Variants in ZMYND8 observed in about 807,000 individuals in gnomAD.
The protein encoded by ZMYND8 is zinc finger MYND-type containing 8, also known as MYND-type zinc finger-containing chromatin reader ZMYND8.
A neutral mutation model predicts 140.8 loss-of-function variants in ZMYND8; 37 were observed. The ratio of observed to expected loss-of-function variants is 0.26; its 90% CI spans 0.20 to 0.35. The LOEUF is 0.35. Ranked by LOEUF, ZMYND8 falls within the 10% of genes least tolerant of loss-of-function variation. ZMYND8 has a pLI of 1.00. For synonymous variants in ZMYND8, 592 were observed against 597.1 expected (o/e 0.99, Z 0.12); for missense variants, 1,068 against 1,570.0 (o/e 0.68, Z 5.40).
intron 13 of ZMYND8, 51 bp from the exon 14 acceptor site, chr20:47,246,568 C>G (rs748298598): frequency 1.3e-6 from 2 of 1,518,896 alleles, no homozygotes; most frequent in African/African-American, 1.4e-5. Context: ...AAATAAAGAG[C>G]AGGATGAAAA....
intron 11 of ZMYND8, among the ~76,000 whole-genome samples, chr20:47,265,053 C>CATATATATATATATATAT (rs199638521): frequency 1.2e-4 from 14 of 114,244 alleles, no homozygotes; most frequent in African/African-American, 3.2e-4. Context: ...AATATATATA[C>CATATATATATATATATAT]ATATATATAT....
rs2073983712 is a variant in ZMYND8, at chr20:47,249,352, C to G, written c.1709G>C (p.Arg570Pro). Residue 570 changes from arginine to proline, a missense_variant, in exon 13 of 23, where the codon CGC (arginine) becomes CCC (proline). This residue lies in a region of ZMYND8 where 173 missense variants were observed against 223.3 expected (regional missense o/e 0.77). Coordinates refer to ENST00000471951, the MANE Select transcript of ZMYND8 (RefSeq NM_001281775.3). ...STPVPLISPKRQIRSRFQLNL... is the reference protein window; with the variant it reads ...STPVPLISPKPQIRSRFQLNL... ...CAGCTGGAACCTGCTACGAATCTGGCGCTTGGGAGAGATGAGAGGAACAGG... is the reference window on the plus strand; with the variant it reads ...CAGCTGGAACCTGCTACGAATCTGGGGCTTGGGAGAGATGAGAGGAACAGG... 2 of 1,614,124 alleles carry G rather than the reference C, an allele frequency of 1.2e-6. No individual in the cohort carries two copies. Among genetic ancestry groups the G allele is most frequent in the Non-Finnish European group, 1.7e-6 (2 of 1,180,026 alleles).
chr20:47,290,145 T>C (rs775948566), intron 7 of ZMYND8, 42 bp downstream of exon 7: 12 of 1,575,060 alleles, frequency 7.6e-6, no homozygotes, highest in Non-Finnish European at 9.5e-6. Flanking sequence ...GTGCAACACA[T>C]ACACAGCATA....
intron 14 of ZMYND8, among the ~76,000 whole-genome samples, chr20:47,241,969 C>T (rs931955435): frequency 6.6e-6 from 1 of 152,090 alleles, no homozygotes; most frequent in South Asian, 2.1e-4. Context: ...AGGTGCCCGC[C>T]ACCATGCCCA....
At chr20:47,227,176 A>C in intron 18 of ZMYND8, 27 bp downstream of exon 18, 1 of 1,613,164 alleles carries the variant, frequency 6.2e-7, no homozygotes, top group Non-Finnish European at 8.5e-7. Flanking sequence ...AACCCTCCTC[A>C]GTCCAGACCA....
intron 2 of ZMYND8, chr20:47,318,669 G>A (rs1431608468): frequency 2.9e-5 from 13 of 453,450 alleles, no homozygotes; most frequent in Non-Finnish European, 5.3e-5. Context: ...ACAGAAACTC[G>A]AGGACCGGTC....
chr20:47,221,525 T>C (rs1291642706), intron 19 of ZMYND8, 51 bp from the exon 20 acceptor site: 4 of 1,584,606 alleles, frequency 2.5e-6, no homozygotes, highest in Admixed American at 1.7e-5. Context: ...AGTACGATGA[T>C]TTTGAAACAT....
intron 3 of ZMYND8, among the ~76,000 whole-genome samples, chr20:47,303,032 A>G (rs1339202243): frequency 1.3e-5 from 2 of 152,104 alleles, no homozygotes; most frequent in Non-Finnish European, 2.9e-5. Context: ...CGTAATTAGG[A>G]CAACCAAAAA....
intron 2 of ZMYND8, among the ~76,000 whole-genome samples, chr20:47,317,297 T>A (rs1263297916): frequency 2.6e-5 from 4 of 152,108 alleles, no homozygotes; most frequent in Non-Finnish European, 5.9e-5. Context: ...GTGGCATCAG[T>A]CCCTGAAATA....
intron 11 of ZMYND8, among the ~76,000 whole-genome samples, chr20:47,264,344 T>C (rs2075356377): frequency 6.6e-6 from 1 of 152,212 alleles, no homozygotes; most frequent in South Asian, 2.1e-4. Context: ...TTGTGCAATC[T>C]CGGCTCACTG....
chr20:47,351,944 C>T, intron 1 of ZMYND8: 1 of 985,406 alleles, frequency 1.0e-6, no homozygotes, highest in Admixed American at 6.1e-5. Context: ...TTAAAAAAAA[C>T]TCTGCAATGA....
At chr20:47,251,753 G>A (rs991617266) in intron 12 of ZMYND8, among the ~76,000 whole-genome samples, 3 of 151,608 alleles carry the variant, frequency 2.0e-5, no homozygotes, top group Non-Finnish European at 4.4e-5. Flanking sequence ...CTGCCCAGTC[G>A]CCCCACCATC....
chr20:47,227,116 G>A, intron 18 of ZMYND8, 87 bp downstream of exon 18: 1 of 1,341,392 alleles, frequency 7.5e-7, no homozygotes. Flanking sequence ...AGCTTTAATT[G>A]CACTCACATC....
At chr20:47,344,377 C>T (rs1051676532) in intron 2 of ZMYND8, among the ~76,000 whole-genome samples, 1 of 152,120 alleles carries the variant, frequency 6.6e-6, no homozygotes, top group Non-Finnish European at 1.5e-5. Context: ...AACCCATAAC[C>T]ACAGTTTACC....
At chr20:47,327,408 C>T (rs1257344179) in intron 2 of ZMYND8, among the ~76,000 whole-genome samples, 2 of 151,778 alleles carry the variant, frequency 1.3e-5, no homozygotes, top group African/African-American at 4.8e-5. Context: ...AATCCCAGCA[C>T]TTTGGGAGGC....
intron 14 of ZMYND8, among the ~76,000 whole-genome samples, chr20:47,240,761 G>A (rs2039864553): frequency 6.6e-6 from 1 of 151,084 alleles, no homozygotes; most frequent in Admixed American, 6.6e-5. Flanking sequence ...TCGCCATCTT[G>A]CCCAGGCTGG....
intron 13 of ZMYND8, among the ~76,000 whole-genome samples, chr20:47,247,903 G>GGA (rs1276999187): frequency 2.0e-5 from 3 of 152,140 alleles, no homozygotes; most frequent in African/African-American, 7.2e-5. Flanking sequence ...CTTGAACCCA[G>GGA]GAGTTCAAGG....
chr20:47,316,404 G>T (rs1239454592), intron 2 of ZMYND8, among the ~76,000 whole-genome samples: 1 of 151,566 alleles, frequency 6.6e-6, no homozygotes, highest in Non-Finnish European at 1.5e-5. Context: ...AAATCATCCT[G>T]GAGCTCAGCA....
At chr20:47,348,435 A>G (rs1229818257) in intron 1 of ZMYND8, 1 of 173,302 alleles carries the variant, frequency 5.8e-6, no homozygotes, top group African/African-American at 2.4e-5. Context: ...GTTAAATTAC[A>G]AAGCAGAAAA....
Sources: allele counts gnomAD v4.1 joint callset (sites outside exome capture counted in the v4.1 genomes callset), GRCh38; gene constraint gnomAD v4.1.1; regional missense constraint gnomAD v4.1.1; transcripts MANE v1.5; gene names NCBI Gene and HGNC (gene_info 2026-07-23, HGNC 2026-07-21).